The following SPRING1 variants were observed in gnomAD, a reference collection of about 807,000 sequenced individuals.
The protein encoded by SPRING1 is SREBP regulating gene protein.
In SPRING1, 14 loss-of-function variants were observed where a neutral mutation model predicts 24.7. The ratio of observed to expected loss-of-function variants is 0.57; its 90% CI spans 0.37 to 0.88. The LOEUF is 0.88. SPRING1 is among the 40% of genes least tolerant of loss of function. The pLI, the probability that SPRING1 is intolerant of heterozygous loss-of-function variation, is 0.00. For missense variants in SPRING1, 255 were observed against 268.4 expected (o/e 0.95, Z 0.35); for synonymous variants, 93 against 106.1 (o/e 0.88, Z 0.76).
At chr12:116,726,240 T>C (rs878922571) in intron 1 of SPRING1, among the ~76,000 whole-genome samples, 1 of 152,244 alleles carries the variant, frequency 6.6e-6, no homozygotes, top group South Asian at 2.1e-4. Flanking sequence ...TTATCATAGA[T>C]AATACTGCAA....
intron 1 of SPRING1, among the ~76,000 whole-genome samples, chr12:116,724,731 G>A (rs1368054127): frequency 6.6e-6 from 1 of 152,152 alleles, no homozygotes. Flanking sequence ...ATGACTGAAT[G>A]AACACTGGTA....
chr12:116,736,021 AGAG>A (rs1230155162), intron 1 of SPRING1, among the ~76,000 whole-genome samples: 1 of 143,268 alleles, frequency 7.0e-6, no homozygotes. Context: ...AGCCTGGGCA[AGAG>A]CAAAACTCAG....
rs951275536 is a variant in SPRING1 at position 116,710,788 on chromosome 12, G to A, written c.*7022C>T. 14 of 152,144 alleles carry A rather than the reference G, an allele frequency of 9.2e-5. No homozygotes were observed. Among genetic ancestry groups the A allele is most frequent in the Admixed American group, 2.0e-4 (3 of 15,264 alleles). 9.4% of individuals were successfully genotyped at this position (152,144 alleles called of 1,614,324 possible). A position where few individuals can be genotyped will look rare whatever the true frequency, so the allele number is the denominator to read the frequency against. ...AAAATCAAAAGCCTGGGACCCAGCC[G>A]CTGGGATACGAGGGCTCTGGTCTTG... On this transcript the variant is annotated 3_prime_UTR_variant, in exon 5 of 5. Transcript: ENST00000261318.
At chr12:116,718,990 G>A (rs1870288228) in intron 4 of SPRING1, among the ~76,000 whole-genome samples, 1 of 152,224 alleles carries the variant, frequency 6.6e-6, no homozygotes, top group Non-Finnish European at 1.5e-5. Context: ...CTGGCAAAGG[G>A]TACAAGAGCT....
chr12:116,727,142 T>C (rs1592920643), intron 1 of SPRING1, among the ~76,000 whole-genome samples: 1 of 152,234 alleles, frequency 6.6e-6, no homozygotes, highest in Non-Finnish European at 1.5e-5. Context: ...TTTAAGCTTT[T>C]CTTCATATTT....
At chr12:116,736,039 TAAAAAAAAA>T (rs34397599) in intron 1 of SPRING1, among the ~76,000 whole-genome samples, 3 of 35,588 alleles carry the variant, frequency 8.4e-5, no homozygotes, top group Non-Finnish European at 1.5e-4. Flanking sequence ...ACTCAGTCTT[TAAAAAAAAA>T]AAAAAAAAAA....
intron 4 of SPRING1, 134 bp downstream of exon 4, chr12:116,719,629 C>T (rs1172469524): frequency 1.5e-6 from 1 of 671,238 alleles, no homozygotes; most frequent in Non-Finnish European, 2.5e-6. Flanking sequence ...ATCATCACAC[C>T]AAACAAAGCG....
At chr12:116,723,255 T>G in intron 1 of SPRING1, 32 bp from the exon 2 acceptor site, 2 of 1,608,170 alleles carry the variant, frequency 1.2e-6, no homozygotes, top group Middle Eastern at 1.7e-4. Context: ...GAAGGTTAAG[T>G]ATCCAGTATC....
chr12:116,733,072 A>G (rs1420543911), intron 1 of SPRING1, among the ~76,000 whole-genome samples: 1 of 152,236 alleles, frequency 6.6e-6, no homozygotes, highest in African/African-American at 2.4e-5. Context: ...GGTTATCTGA[A>G]AAAAGCGTTT....
Position 116,720,567 on chromosome 12 carries a change from T to C in SPRING1, c.269-120A>G. The C allele has an allele frequency of 7.5e-7, 1 of 1,328,348 alleles. No individual in the cohort carries two copies. Among genetic ancestry groups the C allele is most frequent in the South Asian group, 1.4e-5 (1 of 72,694 alleles). 82.3% of individuals were successfully genotyped at this position (1,328,348 alleles called of 1,614,324 possible). A position where few individuals can be genotyped will look rare whatever the true frequency, so the allele number is the denominator to read the frequency against. ...GAAGCTGGAGTCTGGGGCATCATCC[T>C]AAGCACCGGAGAGCTGGAAACTGGA... is the stretch of plus-strand genomic sequence containing the variant. On this transcript the variant is annotated intron_variant, in intron 2 of 4. Coordinates refer to ENST00000261318, the MANE Select transcript of SPRING1 (RefSeq NM_024738.4). This position sits in a 1 kb window ranked among gnomAD's most constrained non-coding sequence, Gnocchi z 4.0.
At chr12:116,733,990 C>T (rs565352325) in intron 1 of SPRING1, among the ~76,000 whole-genome samples, 6 of 152,358 alleles carry the variant, frequency 3.9e-5, no homozygotes, top group Admixed American at 2.0e-4. Flanking sequence ...GACTCTCCTG[C>T]CTCAGCCTCC....
chr12:116,733,700 T>C (rs1358046573), intron 1 of SPRING1, among the ~76,000 whole-genome samples: 1 of 152,196 alleles, frequency 6.6e-6, no homozygotes, highest in Non-Finnish European at 1.5e-5. Flanking sequence ...TAATTTATTA[T>C]TAAAGAAAAA....
At chr12:116,719,951 A>G (rs1205209394) in intron 3 of SPRING1, 75 bp from the exon 4 acceptor site, 10 of 1,254,494 alleles carry the variant, frequency 8.0e-6, no homozygotes, top group Admixed American at 5.3e-5. Flanking sequence ...TCTCTCCTAA[A>G]CTAAGAGAAT....
In SPRING1 at chr12:116,717,332, AAAAT is replaced by A. The variant is rs1870188780; in HGVS notation, c.*474_*477del. On this transcript the variant is annotated 3_prime_UTR_variant, in exon 5 of 5. Transcript: ENST00000261318. This position sits in a 1 kb window ranked among gnomAD's most constrained non-coding sequence, Gnocchi z 4.2. ...AACTCGAGAACACAGAACAACAACA[AAAAT>A]AATTTCCTTGAACATATTCAACTAG... 1 of 152,606 alleles carries A rather than the reference AAAAT, an allele frequency of 6.6e-6. No homozygotes were observed. The allele number at this position is 152,606 out of a possible 1,614,324, so 9.5% of individuals were successfully genotyped here. A position where few individuals can be genotyped will look rare whatever the true frequency, so the allele number is the denominator to read the frequency against.
intron 1 of SPRING1, among the ~76,000 whole-genome samples, chr12:116,729,960 C>T (rs186650632): frequency 1.4e-3 from 214 of 152,008 alleles, no homozygotes; most frequent in African/African-American, 5.1e-3. Flanking sequence ...AGTGCAGTGG[C>T]GCAAATCTCG....
chr12:116,722,102 T>C (rs146422648), intron 2 of SPRING1, among the ~76,000 whole-genome samples: 1 of 152,344 alleles, frequency 6.6e-6, no homozygotes, highest in East Asian at 1.9e-4. Flanking sequence ...TATTTAATAA[T>C]GTGTTACCCC....
At position 116,710,974 on chromosome 12, in the gene SPRING1, G is replaced by A. The variant is rs1869844980; in HGVS notation, c.*6836C>T. The A allele has an allele frequency of 6.6e-6, 1 of 150,640 alleles. No homozygotes were observed. The highest frequency in any genetic ancestry group is 2.1e-4 in the South Asian group (1 of 4,724). 9.3% of individuals were successfully genotyped at this position (150,640 alleles called of 1,614,324 possible). A position where few individuals can be genotyped will look rare whatever the true frequency, so the allele number is the denominator to read the frequency against. ...TCAGTGCTCTTGTCAATAAAATTAG[G>A]ATATTGCTCACATACTTCATACTGC... On this transcript the variant is annotated 3_prime_UTR_variant, in exon 5 of 5. Transcript: ENST00000261318.
chr12:116,713,852 T>C lies in SPRING1; in HGVS notation c.*3958A>G, dbSNP rs184134652. ...CCTAGAAAATGGGGGAAGACAAAAA[T>C]GCGCTTCTCTCTAGGTTGTGTGATT... On this transcript the variant is annotated 3_prime_UTR_variant, in exon 5 of 5. Transcript: ENST00000261318. The C allele has an allele frequency of 1.3e-5, 2 of 152,328 alleles. No individual in the cohort carries two copies. Among genetic ancestry groups the C allele is most frequent in the Admixed American group, 1.3e-4 (2 of 15,304 alleles). The allele number at this position is 152,328 out of a possible 1,614,324, so 9.4% of individuals were successfully genotyped here.
rs550899905 is a variant in SPRING1 at position 116,717,479 on chromosome 12, C to T, written c.*331G>A. The T allele has an allele frequency of 8.7e-5, 19 of 218,092 alleles. No homozygotes were observed. The East Asian group carries it at 1.7e-3, about 19-fold the overall frequency. 13.5% of individuals were successfully genotyped at this position (218,092 alleles called of 1,614,324 possible). A position where few individuals can be genotyped will look rare whatever the true frequency, so the allele number is the denominator to read the frequency against. On this transcript the variant is annotated 3_prime_UTR_variant, in exon 5 of 5. Coordinates refer to ENST00000261318, the MANE Select transcript of SPRING1 (RefSeq NM_024738.4). This position sits in a 1 kb window ranked among gnomAD's most constrained non-coding sequence, Gnocchi z 4.2. ...CAAAACTGGAAGTGACACCGGCCCC[C>T]GATGAACACAAGTCACAGGTCCCTG...
Sources: gnomAD v4.1 joint callset for allele counts (sites outside exome capture counted in the v4.1 genomes callset) on GRCh38, gnomAD v4.1.1 for gene constraint, Gnocchi (gnomAD v3.1) non-coding constraint, MANE v1.5 for transcripts, NCBI Gene and HGNC (gene_info 2026-07-23, HGNC 2026-07-21) for gene names.